The following ITGA6 variants were observed in gnomAD, a reference collection of about 807,000 sequenced individuals.
ITGA6 encodes integrin subunit alpha 6, also known as integrin alpha-6.
A neutral mutation model predicts 133.6 loss-of-function variants in ITGA6; 63 were observed. That is an observed-to-expected ratio of 0.47 (90% CI 0.38 to 0.58). ITGA6 has a LOEUF of 0.58. ITGA6 is among the 20% of genes least tolerant of loss of function. The pLI is 0.00. For synonymous variants in ITGA6, 434 were observed against 482.0 expected (o/e 0.90, Z 1.30); for missense variants, 1,068 against 1,309.4 (o/e 0.82, Z 2.85).
At chr2:172,493,545 G>A (rs1022472856) in intron 23 of ITGA6, among the ~76,000 whole-genome samples, 9 of 151,940 alleles carry the variant, frequency 5.9e-5, no homozygotes, top group African/African-American at 2.2e-4. Flanking sequence ...TCAGAAGAAT[G>A]CCAAGGGTAA....
At chr2:172,452,751 C>A (rs977360635) in intron 1 of ITGA6, among the ~76,000 whole-genome samples, 1 of 152,198 alleles carries the variant, frequency 6.6e-6, no homozygotes, top group Non-Finnish European at 1.5e-5. Context: ...TTAATGGACT[C>A]ATTTTGGCGT....
At chr2:172,462,695 C>G (rs1685481610) in intron 1 of ITGA6, among the ~76,000 whole-genome samples, 1 of 152,164 alleles carries the variant, frequency 6.6e-6, no homozygotes, top group African/African-American at 2.4e-5. Context: ...TGAGGGAAGC[C>G]AACCCACTCT....
chr2:172,431,613 G>A (rs557191555), intron 1 of ITGA6, among the ~76,000 whole-genome samples: 9 of 152,326 alleles, frequency 5.9e-5, no homozygotes, highest in African/African-American at 2.2e-4. Context: ...GCTGTATTCA[G>A]GATGTGTACC....
intron 23 of ITGA6, among the ~76,000 whole-genome samples, chr2:172,497,190 T>C (rs1318961050): frequency 6.6e-6 from 1 of 152,156 alleles, no homozygotes; most frequent in African/African-American, 2.4e-5. Flanking sequence ...GCCCTTTTCT[T>C]TCCATTGCTG....
rs921448232 is a variant in ITGA6 at position 172,486,144 on chromosome 2, C to T, written c.1855-879C>T. Among the ~76,000 whole-genome samples the T allele has an allele frequency of 2.3e-5, 3 of 131,344 alleles. No individual in the cohort carries two copies. The Admixed American group carries it at 2.7e-4, about 12-fold the overall frequency. 86.2% of individuals were successfully genotyped at this position (131,344 alleles called of 152,430 possible). Reference sequence around the variant, plus strand: ...GAGCCGAGATGGCACCACTGCACTCCAGCCTGGGCAAAAAGAGTAAGACTC... The same window carrying T: ...GAGCCGAGATGGCACCACTGCACTCTAGCCTGGGCAAAAAGAGTAAGACTC... On this transcript the variant is annotated intron_variant, in intron 13 of 25. Coordinates refer to ENST00000684293, the MANE Select transcript of ITGA6 (RefSeq NM_000210.4).
At chr2:172,427,428 T>G, upstream of ITGA6, 1 of 1,032,778 alleles carries the variant, frequency 9.7e-7, no homozygotes, top group African/African-American at 1.7e-5. Flanking sequence ...ACGTCGTGGC[T>G]TCCGGGCAGG....
Position 172,504,388 on chromosome 2 carries a change from T to C in ITGA6, c.*320T>C. 3.4e-6 allele frequency: 2 copies of C among 582,192 alleles called. No individual in the cohort carries two copies. Among genetic ancestry groups the C allele is most frequent in the Non-Finnish European group, 5.8e-6 (2 of 345,730 alleles). The allele number at this position is 582,192 out of a possible 1,614,324, so 36.1% of individuals were successfully genotyped here. A position where few individuals can be genotyped will look rare whatever the true frequency, so the allele number is the denominator to read the frequency against. On this transcript the variant is annotated 3_prime_UTR_variant, in exon 26 of 26. Coordinates refer to ENST00000684293, the MANE Select transcript of ITGA6 (RefSeq NM_000210.4). ...ACTACACACAGTACGAACCTACAGT[T>C]TTAACTGTGGATATTGTTACGTAGC...
At chr2:172,476,129 C>A (rs912177034) in intron 8 of ITGA6, among the ~76,000 whole-genome samples, 1 of 152,070 alleles carries the variant, frequency 6.6e-6, no homozygotes, top group African/African-American at 2.4e-5. Flanking sequence ...TTTGAAATGG[C>A]CTGATTGACT....
In ITGA6 at chr2:172,475,645, A is replaced by G; in HGVS notation, c.1229A>G (p.Tyr410Cys). 6.2e-7 allele frequency: 1 copy of G among 1,608,054 alleles called. No individual in the cohort carries two copies. The highest frequency in any genetic ancestry group is 8.5e-7 in the Non-Finnish European group (1 of 1,174,516). ...GATGACTTGGGAAAGGTTTTTATCT[A>G]TCATGGATCTGCAAATGGAATAAAT... ...PYDDLGKVFI[Y>C]HGSANGINTK... Residue 410 changes from tyrosine to cysteine, a missense_variant, in exon 8 of 26, where the codon TAT becomes TGT. Tyr to Cys is a radical substitution (Grantham distance 194). Transcript: ENST00000684293.
At chr2:172,465,842 T>G (rs1685645582) in intron 2 of ITGA6, 179 bp downstream of exon 2, 1 of 896,134 alleles carries the variant, frequency 1.1e-6, no homozygotes, top group Non-Finnish European at 1.7e-6. Context: ...TGAATCATAC[T>G]GGGATGCCGC....
chr2:172,428,799 G>A (rs1230727962), intron 1 of ITGA6, among the ~76,000 whole-genome samples: 2 of 152,174 alleles, frequency 1.3e-5, no homozygotes, highest in East Asian at 3.8e-4. Flanking sequence ...AAACCTCCCA[G>A]GAGAAAGAGG....
intron 1 of ITGA6, among the ~76,000 whole-genome samples, chr2:172,439,268 G>A (rs1219384601): frequency 3.3e-5 from 5 of 151,862 alleles, no homozygotes; most frequent in South Asian, 2.1e-4. Context: ...TGCATCCAGC[G>A]TCTCAGTGCA....
Position 172,489,672 on chromosome 2 carries a change from TTTATC to T in ITGA6, c.2679+16_2679+20del, listed in dbSNP as rs752549603. ...CTGAACCTAACGGTATGTCGGTAGA[TTTATC>T]TAATGTCTCCATAAATGCAAATTAG... On this transcript the variant is annotated intron_variant, in intron 20 of 25. Coordinates refer to ENST00000684293, the MANE Select transcript of ITGA6 (RefSeq NM_000210.4). The T allele has an allele frequency of 1.2e-6, 2 of 1,607,542 alleles. No homozygotes were observed. The highest frequency in any genetic ancestry group is 1.7e-6 in the Non-Finnish European group (2 of 1,174,372).
At chr2:172,463,268 G>A (rs1164256223) in intron 1 of ITGA6, among the ~76,000 whole-genome samples, 1 of 152,136 alleles carries the variant, frequency 6.6e-6, no homozygotes, top group African/African-American at 2.4e-5. Context: ...CTTGGGTGTG[G>A]GTGAGAAGAG....
rs763807146 is a variant in ITGA6, at chr2:172,491,012, A to G, written c.2680-12A>G. The G allele has an allele frequency of 7.5e-7, 1 of 1,330,652 alleles. No homozygotes were observed. Among genetic ancestry groups the G allele is most frequent in the African/African-American group, 1.4e-5 (1 of 69,606 alleles). 82.4% of individuals were successfully genotyped at this position (1,330,652 alleles called of 1,614,324 possible). A position where few individuals can be genotyped will look rare whatever the true frequency, so the allele number is the denominator to read the frequency against. On this transcript the variant is annotated splice_polypyrimidine_tract_variant and intron_variant, in intron 20 of 25. Transcript: ENST00000684293. The surrounding 1 kb of genome is among the most constrained non-coding windows in gnomAD (Gnocchi z 4.4). ...CATAAATTGGAACTATTTTGGATAT[A>G]ATTTTTTTCAGGAGTCTCACAACTC...
chr2:172,504,009 A>G, intron 25 of ITGA6, 82 bp from the exon 26 acceptor site: 2 of 1,102,054 alleles, frequency 1.8e-6, no homozygotes, highest in Non-Finnish European at 2.5e-6. Context: ...ATAGCTGAAC[A>G]GAAAGCTTAG....
intron 1 of ITGA6, 159 bp from the exon 2 acceptor site, chr2:172,465,380 C>A (rs183649869): frequency 1.1e-4 from 99 of 863,554 alleles, no homozygotes; most frequent in Non-Finnish European, 1.7e-4. Context: ...ATGAACCAGC[C>A]ATAGGACTCT....
At chr2:172,472,716 C>T in intron 5 of ITGA6, 1 of 1,136,400 alleles carries the variant, frequency 8.8e-7, no homozygotes, top group Non-Finnish European at 1.3e-6. Flanking sequence ...GCTGTCCTGC[C>T]TCTTACCAAG....
intron 5 of ITGA6, 29 bp downstream of exon 5, chr2:172,471,134 G>A (rs1685917132): frequency 6.2e-7 from 1 of 1,613,888 alleles, no homozygotes; most frequent in Non-Finnish European, 8.5e-7. Flanking sequence ...GGCTGCCTTT[G>A]CCCACCTTCT....
Sources: allele counts gnomAD v4.1 joint callset (sites outside exome capture counted in the v4.1 genomes callset), GRCh38; gene constraint gnomAD v4.1.1; non-coding constraint Gnocchi (gnomAD v3.1); transcripts MANE v1.5; gene names NCBI Gene and HGNC (gene_info 2026-07-23, HGNC 2026-07-21).